The following SLC8A1 variants were observed in gnomAD, a reference collection of about 807,000 sequenced individuals.
The protein encoded by SLC8A1 is sodium/calcium exchanger 1.
Under a neutral mutation model 68.3 loss-of-function variants are expected in SLC8A1, and 18 were observed. The observed-to-expected ratio is 0.26, with a 90% CI of 0.18 to 0.39. SLC8A1 has a LOEUF of 0.39. Ranked by LOEUF, SLC8A1 falls within the 10% of genes least tolerant of loss-of-function variation. The pLI, the probability that SLC8A1 is intolerant of heterozygous loss-of-function variation, is 1.00. For missense variants in SLC8A1, 985 were observed against 1,156.7 expected (o/e 0.85, Z 2.15); for synonymous variants, 475 against 415.5 (o/e 1.14, Z -1.74).
At chr2:40,382,684 T>A (rs922660134) in intron 2 of SLC8A1, among the ~76,000 whole-genome samples, 14 of 151,882 alleles carry the variant, frequency 9.2e-5, no homozygotes, top group Non-Finnish European at 2.1e-4. Flanking sequence ...TCGTATATTA[T>A]AGGTATGGTT....
At chr2:40,287,375 T>A (rs553361705) in intron 2 of SLC8A1, among the ~76,000 whole-genome samples, 1 of 152,248 alleles carries the variant, frequency 6.6e-6, no homozygotes, top group East Asian at 1.9e-4. Flanking sequence ...TCTATACGTG[T>A]TCTCAGTGAT....
chr2:40,129,752 C>T (rs1445273353), intron 7 of SLC8A1, among the ~76,000 whole-genome samples: 6 of 152,264 alleles, frequency 3.9e-5, no homozygotes, highest in South Asian at 2.1e-4. Flanking sequence ...AACACATGAA[C>T]GCACACCTGT....
chr2:40,439,316 G>A (rs972492303), intron 1 of SLC8A1, among the ~76,000 whole-genome samples: 1 of 152,158 alleles, frequency 6.6e-6, no homozygotes, highest in Non-Finnish European at 1.5e-5. Flanking sequence ...GACCTATTCA[G>A]TTTCTATATC....
intron 2 of SLC8A1, among the ~76,000 whole-genome samples, chr2:40,391,694 A>C (rs1685317499): frequency 6.6e-6 from 1 of 152,072 alleles, no homozygotes; most frequent in African/African-American, 2.4e-5. Context: ...TGGAACTCTT[A>C]GTCCCAGACC....
intron 2 of SLC8A1, among the ~76,000 whole-genome samples, chr2:40,333,733 G>C (rs1264440978): frequency 6.6e-6 from 1 of 151,860 alleles, no homozygotes; most frequent in Non-Finnish European, 1.5e-5. Flanking sequence ...TATTAGTTTG[G>C]AGTCAGTAAT....
intron 2 of SLC8A1, among the ~76,000 whole-genome samples, chr2:40,315,335 T>C (rs901990422): frequency 2.0e-5 from 3 of 151,862 alleles, no homozygotes; most frequent in South Asian, 4.1e-4. Flanking sequence ...TAATGCTGAA[T>C]TGCAAAACGT....
rs1558722724 is a variant in SLC8A1 at position 40,200,226 on chromosome 2, AT to A, written c.1809-22372del. ...TATATAAATATATATATATTTTTTTATATATATATATAAATATATATATATA... is the reference window on the plus strand; with the variant it reads ...TATATAAATATATATATATTTTTTTAATATATATATAAATATATATATATA... On this transcript the variant is annotated intron_variant, in intron 2 of 7. Coordinates refer to ENST00000406785, the Ensembl canonical transcript of SLC8A1. Among the ~76,000 whole-genome samples, 79 of 34,012 alleles carry A rather than the reference AT, an allele frequency of 2.3e-3. 5 individuals are homozygous for A. The highest frequency in any genetic ancestry group is 5.7e-3 in the African/African-American group (59 of 10,284). 22.3% of individuals were successfully genotyped at this position (34,012 alleles called of 152,430 possible). A position where few individuals can be genotyped will look rare whatever the true frequency, so the allele number is the denominator to read the frequency against.
intron 2 of SLC8A1, among the ~76,000 whole-genome samples, chr2:40,415,426 GA>G (rs564724684): frequency 0.014 from 1,878 of 137,146 alleles, 32 homozygotes; most frequent in African/African-American, 0.04. Flanking sequence ...AATCCATATG[GA>G]AAAAAAAAAA....
chr2:40,185,581 C>A (rs1465937842), intron 2 of SLC8A1, among the ~76,000 whole-genome samples: 1 of 152,036 alleles, frequency 6.6e-6, no homozygotes, highest in African/African-American at 2.4e-5. Context: ...TTGCCTCAAG[C>A]TGGGGACTTA....
chr2:40,210,195 A>G (rs920180778), intron 2 of SLC8A1, among the ~76,000 whole-genome samples: 1 of 152,196 alleles, frequency 6.6e-6, no homozygotes, highest in Non-Finnish European at 1.5e-5. Flanking sequence ...CTATTTAAAT[A>G]TCATGTAGCA....
At chr2:40,233,777 G>A (rs2059996258) in intron 2 of SLC8A1, among the ~76,000 whole-genome samples, 1 of 151,834 alleles carries the variant, frequency 6.6e-6, no homozygotes, top group Non-Finnish European at 1.5e-5. Context: ...TTTTGTATAA[G>A]GTGTCAGGAA....
chr2:40,460,628 G>C (rs901964249), intron 1 of SLC8A1, among the ~76,000 whole-genome samples: 15 of 151,128 alleles, frequency 9.9e-5, no homozygotes, highest in Non-Finnish European at 1.8e-4. Flanking sequence ...TGCCCAGGCT[G>C]GAATGCAGTG....
intron 2 of SLC8A1, among the ~76,000 whole-genome samples, chr2:40,249,218 T>C (rs1158041874): frequency 1.3e-5 from 2 of 152,022 alleles, no homozygotes; most frequent in Non-Finnish European, 2.9e-5. Context: ...AATTAACTGA[T>C]TAAAGAGTCT....
chr2:40,171,195 G>C (rs2047430450), intron 4 of SLC8A1, among the ~76,000 whole-genome samples: 1 of 152,204 alleles, frequency 6.6e-6, no homozygotes, highest in African/African-American at 2.4e-5. Flanking sequence ...ATAAAGTGAA[G>C]CTGAATTTGA....
rs1213806932 is a variant in SLC8A1, at chr2:40,292,522, A to C, written c.1809-114667T>G. ...CATACTTGGTCACCTGCCAGGATTT[A>C]CATGATTATCCATCATGGGGACAAA... On this transcript the variant is annotated intron_variant, in intron 2 of 7. Transcript: ENST00000406785. 2.0e-5 allele frequency among the ~76,000 whole-genome samples: 3 copies of C among 152,276 alleles called. No homozygotes were observed. In the East Asian group the frequency reaches 5.8e-4, roughly 29 times the overall value.
chr2:40,409,631 GT>G lies in SLC8A1; in HGVS notation c.1808+18841del, dbSNP rs150208653. On this transcript the variant is annotated intron_variant, in intron 2 of 7. Coordinates refer to ENST00000406785, the Ensembl canonical transcript of SLC8A1. ...TTGCTGAATAGAAAAAGTGTTGGAG[GT>G]GGTGGCATATAATGAGGCTGGAGAG... 7.3e-3 allele frequency among the ~76,000 whole-genome samples: 1,110 copies of G among 152,260 alleles called. 13 individuals carry two copies. The highest frequency in any genetic ancestry group is 0.025 in the African/African-American group (1,045 of 41,558).
At chr2:40,462,587 T>C (rs955145501) in intron 1 of SLC8A1, among the ~76,000 whole-genome samples, 1 of 151,638 alleles carries the variant, frequency 6.6e-6, no homozygotes, top group African/African-American at 2.4e-5. Context: ...GGTGGGAGGA[T>C]CGCTTAGCCC....
intron 2 of SLC8A1, among the ~76,000 whole-genome samples, chr2:40,418,464 T>G (rs1694522453): frequency 6.6e-6 from 1 of 152,158 alleles, no homozygotes. Context: ...CTGGCCTACT[T>G]CAACAACATG....
chr2:40,399,583 A>T (rs1688062837), intron 2 of SLC8A1, among the ~76,000 whole-genome samples: 1 of 152,172 alleles, frequency 6.6e-6, no homozygotes, highest in Non-Finnish European at 1.5e-5. Flanking sequence ...CTCTTACCAG[A>T]ATGAAAAACC....
Sources: gnomAD v4.1 joint callset for allele counts (sites outside exome capture counted in the v4.1 genomes callset) on GRCh38, gnomAD v4.1.1 for gene constraint, MANE v1.5 for transcripts, NCBI Gene and HGNC (gene_info 2026-07-23, HGNC 2026-07-21) for gene names.